Variants in MYT1 observed in about 807,000 individuals in gnomAD.
MYT1 encodes myelin transcription factor 1.
In MYT1, 23 loss-of-function variants were observed where a neutral mutation model predicts 123.0. The ratio of observed to expected loss-of-function variants is 0.19; its 90% CI spans 0.13 to 0.26. MYT1 has a LOEUF of 0.26. MYT1 is among the 10% of genes least tolerant of loss of function. The pLI is 1.00. For missense variants in MYT1, 1,125 were observed against 1,472.5 expected (o/e 0.76, Z 3.86); for synonymous variants, 518 against 575.3 (o/e 0.90, Z 1.43).
chr20:64,230,370 G>A (rs1046497467), intron 18 of MYT1, among the ~76,000 whole-genome samples: 3 of 152,150 alleles, frequency 2.0e-5, no homozygotes, highest in African/African-American at 2.4e-5. Context: ...AAAATCAGCC[G>A]GGCGTGGTGG....
intron 21 of MYT1, among the ~76,000 whole-genome samples, chr20:64,238,018 T>C (rs900666522): frequency 1.3e-5 from 2 of 152,156 alleles, no homozygotes; most frequent in African/African-American, 4.8e-5. Flanking sequence ...GTGCCGTCGA[T>C]GAGAGCTGCT....
intron 1 of MYT1, among the ~76,000 whole-genome samples, chr20:64,180,899 C>T (rs926572597): frequency 3.3e-5 from 5 of 152,246 alleles, no homozygotes; most frequent in East Asian, 1.9e-4. Context: ...TCCCTGCCCT[C>T]GCTTCCCTTA....
chr20:64,180,853 T>C (rs1982634188), intron 1 of MYT1, among the ~76,000 whole-genome samples: 1 of 152,242 alleles, frequency 6.6e-6, no homozygotes, highest in Admixed American at 6.5e-5. Flanking sequence ...TTTGTTTTTC[T>C]TGTAGACAGT....
intron 17 of MYT1, 27 bp downstream of exon 17, chr20:64,227,504 G>A (rs773283893): frequency 1.2e-6 from 2 of 1,605,020 alleles, no homozygotes; most frequent in African/African-American, 1.3e-5. Flanking sequence ...CTCAGGTCCT[G>A]GGCCCCAGGG....
intron 19 of MYT1, among the ~76,000 whole-genome samples, chr20:64,234,730 T>TGGGCTGGCCGTGGTATGTGACCGG (rs1984447693): frequency 1.0e-5 from 1 of 96,440 alleles, no homozygotes; most frequent in Admixed American, 9.8e-5. Flanking sequence ...TGAGTGACCC[T>TGGGCTGGCCGTGGTATGTGACCGG]GGGCTGGCCG....
At position 64,185,769 on chromosome 20, in the gene MYT1, G is replaced by T. The variant is rs1982782356; in HGVS notation, c.-98-4294G>T. On this transcript the variant is annotated intron_variant, in intron 1 of 22. Transcript: ENST00000328439. This position sits in a 1 kb window ranked among gnomAD's most constrained non-coding sequence, Gnocchi z 4.5. ...TGGAGTGGCCACAGTGCCAGTGCAA[G>T]GAGGAAGTGTGTGCTGGCAGTGGGT... is the stretch of plus-strand genomic sequence containing the variant. Among the ~76,000 whole-genome samples, 1 of 152,246 alleles carries T rather than the reference G, an allele frequency of 6.6e-6. No individual in the cohort carries two copies. The highest frequency in any genetic ancestry group is 1.5e-5 in the Non-Finnish European group (1 of 68,040).
Position 64,208,089 on chromosome 20 carries a change from A to G in MYT1, c.893A>G (p.Glu298Gly). The G allele has an allele frequency of 1.9e-6, 3 of 1,609,126 alleles. No homozygotes were observed. The highest frequency in any genetic ancestry group is 2.5e-6 in the Non-Finnish European group (3 of 1,178,158). ...EEEEEEEEEE[E>G]EEEEEEEEAA... ...GAGGAAGAGGAAGAGGAGGAGGAAG[A>G]GGAAGAGGAAGAGGAGGAGGAGGAG... The change falls in exon 7 of 23, where the codon GAG (glutamate) becomes GGG (glycine). Residue 298 changes from glutamate to glycine, a missense_variant. Physicochemically the swap from Glu to Gly is moderately conservative, Grantham distance 98. Transcript: ENST00000328439. The surrounding 1 kb of genome is among the most constrained non-coding windows in gnomAD (Gnocchi z 5.4).
chr20:64,237,481 C>T (rs1984587032), intron 21 of MYT1, 91 bp downstream of exon 21: 1 of 1,010,150 alleles, frequency 9.9e-7, no homozygotes, highest in Non-Finnish European at 1.5e-6. Flanking sequence ...CGGCACTCAT[C>T]AAGGTTGCTG....
rs1983344500 is a variant in MYT1, at chr20:64,202,225, G to A, written c.86+2303G>A. On this transcript the variant is annotated intron_variant, in intron 4 of 22. Coordinates refer to ENST00000328439, the MANE Select transcript of MYT1 (RefSeq NM_004535.3). This position sits in a 1 kb window ranked among gnomAD's most constrained non-coding sequence, Gnocchi z 5.0. ...TGTTTACCAGGTGAGCTGAGGAGAG[G>A]TTGGACTTGGATCGAGCAGGACCCT... 1.3e-5 allele frequency among the ~76,000 whole-genome samples: 2 copies of A among 152,248 alleles called. No individual in the cohort carries two copies. Among genetic ancestry groups the A allele is most frequent in the South Asian group, 2.1e-4 (1 of 4,836 alleles).
chr20:64,191,088 T>G lies in MYT1; in HGVS notation c.-1+928T>G, dbSNP rs746344829. Among the ~76,000 whole-genome samples, 1 of 152,246 alleles carries G rather than the reference T, an allele frequency of 6.6e-6. No homozygotes were observed. The highest frequency in any genetic ancestry group is 1.5e-5 in the Non-Finnish European group (1 of 68,032). On this transcript the variant is annotated intron_variant, in intron 2 of 22. Transcript: ENST00000328439. This position sits in a 1 kb window ranked among gnomAD's most constrained non-coding sequence, Gnocchi z 4.1. ...GGGCTCTGTGATAGGCCTGAGCAAC[T>G]GTTCTCTATTCACCCTGCTTTTACC...
rs1983029332 is a variant in MYT1, at chr20:64,193,760, G to A, written c.-1+3600G>A. On this transcript the variant is annotated intron_variant, in intron 2 of 22. Transcript: ENST00000328439. This position sits in a 1 kb window ranked among gnomAD's most constrained non-coding sequence, Gnocchi z 4.0. ...CTCTTCCTCTTCTTCTAGGTCTCTG[G>A]GAGGAAAACCATTATGCAAGAGGCT... Among the ~76,000 whole-genome samples the A allele has an allele frequency of 6.6e-6, 1 of 151,806 alleles. No individual in the cohort carries two copies. Among genetic ancestry groups the A allele is most frequent in the African/African-American group, 2.4e-5 (1 of 41,288 alleles).
chr20:64,198,413 G>T (rs1202636586), intron 2 of MYT1, among the ~76,000 whole-genome samples: 2 of 152,022 alleles, frequency 1.3e-5, no homozygotes, highest in Admixed American at 1.3e-4. Flanking sequence ...GCCGCTGGTG[G>T]CTGAGTCTGT....
chr20:64,198,112 C>T (rs554464992), intron 2 of MYT1, among the ~76,000 whole-genome samples: 2 of 151,808 alleles, frequency 1.3e-5, no homozygotes, highest in Admixed American at 6.6e-5. Flanking sequence ...GGTGAAACCC[C>T]GTCTCTACTA....
chr20:64,237,666 C>G (rs1189770574), intron 21 of MYT1, among the ~76,000 whole-genome samples: 1 of 152,182 alleles, frequency 6.6e-6, no homozygotes, highest in East Asian at 1.9e-4. Context: ...ATTAATAATA[C>G]TAGTCCCATT....
chr20:64,219,674 G>A, intron 12 of MYT1, 39 bp from the exon 13 acceptor site: 10 of 1,548,748 alleles, frequency 6.5e-6, no homozygotes, highest in Non-Finnish European at 8.8e-6. Flanking sequence ...ACATGGGAAG[G>A]GATGGAATCG....
Position 64,232,481 on chromosome 20 carries a change from G to A in MYT1, c.2897+96G>A. Reference sequence around the variant, plus strand: ...GCTCCTGAGGGAGGGCCAGACCAGGGCTCCGTGTGACCAGAGTTGCTCAAG... The same window carrying A: ...GCTCCTGAGGGAGGGCCAGACCAGGACTCCGTGTGACCAGAGTTGCTCAAG... On this transcript the variant is annotated intron_variant, in intron 19 of 22. Coordinates refer to ENST00000328439, the MANE Select transcript of MYT1 (RefSeq NM_004535.3). The surrounding 1 kb of genome is among the most constrained non-coding windows in gnomAD (Gnocchi z 6.9). 7.9e-7 allele frequency: 1 copy of A among 1,266,144 alleles called. No homozygotes were observed. The allele number at this position is 1,266,144 out of a possible 1,614,324, so 78.4% of individuals were successfully genotyped here.
At position 64,189,286 on chromosome 20, in the gene MYT1, T is replaced by G. The variant is rs987839989; in HGVS notation, c.-98-777T>G. ...TGTTGGTTACTTAATGACCTTCCTT[T>G]GAAATGCTGCAGTTATGTAGAAAGC... On this transcript the variant is annotated intron_variant, in intron 1 of 22. Transcript: ENST00000328439. This position sits in a 1 kb window ranked among gnomAD's most constrained non-coding sequence, Gnocchi z 5.5. Among the ~76,000 whole-genome samples the G allele has an allele frequency of 2.6e-5, 4 of 152,248 alleles. No homozygotes were observed. Among genetic ancestry groups the G allele is most frequent in the African/African-American group, 9.6e-5 (4 of 41,456 alleles).
chr20:64,221,412 G>T (rs147980247), intron 13 of MYT1, among the ~76,000 whole-genome samples: 2 of 152,226 alleles, frequency 1.3e-5, no homozygotes, highest in African/African-American at 4.8e-5. Flanking sequence ...ACTGGTGGGC[G>T]TGTCGGGCCA....
chr20:64,238,920 G>A (rs1984633090), intron 21 of MYT1, among the ~76,000 whole-genome samples: 1 of 152,204 alleles, frequency 6.6e-6, no homozygotes, highest in African/African-American at 2.4e-5. Context: ...CAAAGGGAAG[G>A]CAGGTCCCTA....
Sources: allele counts gnomAD v4.1 joint callset (sites outside exome capture counted in the v4.1 genomes callset), GRCh38; gene constraint gnomAD v4.1.1; non-coding constraint Gnocchi (gnomAD v3.1); transcripts MANE v1.5; gene names NCBI Gene and HGNC (gene_info 2026-07-23, HGNC 2026-07-21).